KDR: variants seen among roughly 807,000 people sequenced by gnomAD.
The protein encoded by KDR is kinase insert domain receptor, also known as vascular endothelial growth factor receptor 2.
Under a neutral mutation model 160.9 loss-of-function variants are expected in KDR, and 43 were observed. The ratio of observed to expected loss-of-function variants is 0.27; its 90% CI spans 0.21 to 0.34. The LOEUF (loss-of-function observed/expected upper bound fraction) is 0.34, where lower values mean the gene tolerates loss of function less well. Among genes scored for constraint, KDR ranks in the 10% least tolerant of loss-of-function variants. KDR has a pLI of 1.00. For missense variants in KDR, 1,469 were observed against 1,666.4 expected (o/e 0.88, Z 2.06); for synonymous variants, 617 against 600.1 (o/e 1.03, Z -0.41).
chr4:55,125,152 G>T, intron 1 of KDR, 75 bp downstream of exon 1: 1 of 1,336,612 alleles, frequency 7.5e-7, no homozygotes, highest in Non-Finnish European at 1.1e-6. Flanking sequence ...ACGATTCCGA[G>T]TTAGATCTGG....
At chr4:55,120,046 G>A (rs574975811) in intron 2 of KDR, among the ~76,000 whole-genome samples, 3 of 152,068 alleles carry the variant, frequency 2.0e-5, no homozygotes, top group Non-Finnish European at 2.9e-5. Flanking sequence ...ATCGAGGGTC[G>A]GTAAAAGGAA....
Position 55,114,170 on chromosome 4 carries a change from G to A in KDR, c.754C>T (p.Leu252=), listed in dbSNP as rs1288161339. Residue 252 remains leucine, a synonymous_variant, in exon 6 of 30, where the codon CTA becomes TTA. Transcript: ENST00000263923. ...LVLNCTARTE[L]NVGIDFNWEY... ...CAGTTGAAGTCAATCCCCACATTTA[G>A]TTCAGTTCTTGCTGTACAATTTAAG... 2 of 1,613,886 alleles carry A rather than the reference G, an allele frequency of 1.2e-6. No individual in the cohort carries two copies. Among genetic ancestry groups the A allele is most frequent in the African/African-American group, 2.7e-5 (2 of 74,888 alleles).
At chr4:55,107,419 A>T (rs1720472218) in intron 10 of KDR, among the ~76,000 whole-genome samples, 1 of 152,176 alleles carries the variant, frequency 6.6e-6, no homozygotes, top group African/African-American at 2.4e-5. Flanking sequence ...GGGATGTGGT[A>T]TTCACCAGCC....
Position 55,079,792 on chromosome 4 carries a change from AC to A in KDR, c.*148del, listed in dbSNP as rs1719682736. On this transcript the variant is annotated 3_prime_UTR_variant, in exon 30 of 30. Transcript: ENST00000263923. Reference sequence around the variant, plus strand: ...GCCTCTTCCAGGATATGCCTAGAAGACTGGCTCCCTGCAGTCCGAGGTCCTT... The same window carrying A: ...GCCTCTTCCAGGATATGCCTAGAAGATGGCTCCCTGCAGTCCGAGGTCCTT... The A allele has an allele frequency of 1.4e-6, 1 of 721,928 alleles. No homozygotes were observed. Among genetic ancestry groups the A allele is most frequent in the Non-Finnish European group, 2.5e-6 (1 of 403,708 alleles). The allele number at this position is 721,928 out of a possible 1,614,324, so 44.7% of individuals were successfully genotyped here. A position where few individuals can be genotyped will look rare whatever the true frequency, so the allele number is the denominator to read the frequency against.
rs1186510365 is a variant in KDR, at chr4:55,120,986, T to A, written c.161+111A>T. 2.2e-5 allele frequency: 16 copies of A among 726,628 alleles called. No individual in the cohort carries two copies. In the South Asian group the frequency reaches 2.8e-4, roughly 13 times the overall value. 45.0% of individuals were successfully genotyped at this position (726,628 alleles called of 1,614,324 possible). On this transcript the variant is annotated intron_variant, in intron 2 of 29. Coordinates refer to ENST00000263923, the MANE Select transcript of KDR (RefSeq NM_002253.4). ...CAGTTCTTAGAAACCTCACCACTTA[T>A]GAACAATTACTACAAGCTCTATTAT...
chr4:55,089,655 G>A (rs762391692), intron 24 of KDR, 36 bp downstream of exon 24: 82 of 1,562,336 alleles, frequency 5.2e-5, no homozygotes, highest in Middle Eastern at 1.8e-4. Flanking sequence ...CTTCCTCTTT[G>A]GAGTCTGGAT....
chr4:55,100,388 T>C lies in KDR; in HGVS notation c.2266+1509A>G, dbSNP rs561366986. 5.6e-4 allele frequency among the ~76,000 whole-genome samples: 85 copies of C among 152,178 alleles called. 1 individual carries two copies. The highest frequency in any genetic ancestry group is 1.1e-3 in the Non-Finnish European group (74 of 68,022). ...GTTCAAAGAGTCTGTTTTCTATGTG[T>C]TTGTATATTAATATTCTCGCATAAC... On this transcript the variant is annotated intron_variant, in intron 15 of 29. Transcript: ENST00000263923.
chr4:55,114,595 G>A (rs1457301626), intron 5 of KDR, among the ~76,000 whole-genome samples: 1 of 152,228 alleles, frequency 6.6e-6, no homozygotes, highest in Non-Finnish European at 1.5e-5. Flanking sequence ...AGCAAGCAAT[G>A]CTCTGAACAT....
intron 7 of KDR, among the ~76,000 whole-genome samples, chr4:55,111,804 T>C (rs1214953137): frequency 1.3e-5 from 2 of 152,238 alleles, no homozygotes; most frequent in Non-Finnish European, 2.9e-5. Context: ...CCACGTGACC[T>C]AGAGGTCAAG....
intron 10 of KDR, 83 bp from the exon 11 acceptor site, chr4:55,106,893 G>A: frequency 8.0e-7 from 1 of 1,242,784 alleles, no homozygotes; most frequent in Non-Finnish European, 1.2e-6. Context: ...TTCAGACTTT[G>A]GTTATTCTGT....
At chr4:55,083,356 T>C (rs1719783544) in intron 27 of KDR, among the ~76,000 whole-genome samples, 1 of 152,174 alleles carries the variant, frequency 6.6e-6, no homozygotes, top group Non-Finnish European at 1.5e-5. Context: ...ATAAGATGTG[T>C]TGGCAGTAGC....
Position 55,118,695 on chromosome 4 carries a change from TGTGA to T in KDR, c.263_266del (p.Leu88GlnfsTer5). 6.2e-7 allele frequency: 1 copy of T among 1,614,098 alleles called. No individual in the cohort carries two copies. The highest frequency in any genetic ancestry group is 8.5e-7 in the Non-Finnish European group (1 of 1,179,998). ...TGTCATTTCCGATCACTTTTGGAAT[TGTGA>T]GTGTCTTACAGAAGAGGCCATCGCT... On this transcript the variant is annotated frameshift_variant, in exon 3 of 30. Transcript: ENST00000263923. LOFTEE classifies it high-confidence loss of function.
intron 3 of KDR, among the ~76,000 whole-genome samples, chr4:55,116,026 T>G (rs975650215): frequency 6.6e-6 from 1 of 152,232 alleles, no homozygotes; most frequent in Non-Finnish European, 1.5e-5. Context: ...TAAAACCATG[T>G]TTAATTGTTT....
rs1719955151 is a variant in KDR at position 55,089,552 on chromosome 4, C to T, written c.3305-79G>A. On this transcript the variant is annotated intron_variant, in intron 24 of 29. Transcript: ENST00000263923. Reference sequence around the variant, plus strand: ...ACCCTGAGCCTGAATCTTGCACATCCTCATCACCTATGTATCTATTTTTTT... The same window carrying T: ...ACCCTGAGCCTGAATCTTGCACATCTTCATCACCTATGTATCTATTTTTTT... 4 of 1,340,658 alleles carry T rather than the reference C, an allele frequency of 3.0e-6. No homozygotes were observed. The Admixed American group carries it at 6.8e-5, about 23-fold the overall frequency. 83.0% of individuals were successfully genotyped at this position (1,340,658 alleles called of 1,614,324 possible).
At chr4:55,098,353 G>A (rs1720215587) in intron 16 of KDR, 81 bp from the exon 17 acceptor site, 7 of 1,505,250 alleles carry the variant, frequency 4.7e-6, no homozygotes, top group Non-Finnish European at 6.4e-6. Flanking sequence ...CTGTTTATTG[G>A]AGCCTCATTC....
intron 26 of KDR, among the ~76,000 whole-genome samples, chr4:55,088,082 C>G (rs943749758): frequency 6.6e-6 from 1 of 152,164 alleles, no homozygotes; most frequent in Admixed American, 6.5e-5. Flanking sequence ...ATCACTCATT[C>G]ACAAAGCCCT....
At chr4:55,097,121 G>T (rs984632386) in intron 18 of KDR, among the ~76,000 whole-genome samples, 5 of 151,970 alleles carry the variant, frequency 3.3e-5, no homozygotes, top group African/African-American at 4.8e-5. Flanking sequence ...CCAGAATTCC[G>T]TTACTATTAG....
intron 12 of KDR, among the ~76,000 whole-genome samples, 181 bp from the exon 13 acceptor site, chr4:55,105,165 C>A (rs1394867002): frequency 1.3e-5 from 2 of 152,078 alleles, no homozygotes; most frequent in Non-Finnish European, 2.9e-5. Context: ...CTTATTTGGC[C>A]AAACACATTA....
intron 22 of KDR, among the ~76,000 whole-genome samples, chr4:55,091,187 C>A (rs1720004016): frequency 6.6e-6 from 1 of 152,154 alleles, no homozygotes; most frequent in Non-Finnish European, 1.5e-5. Context: ...GAGAAGTGAT[C>A]ATGTAAGCCA....
Sources: allele counts gnomAD v4.1 joint callset (sites outside exome capture counted in the v4.1 genomes callset), GRCh38; gene constraint gnomAD v4.1.1; transcripts MANE v1.5; gene names NCBI Gene and HGNC (gene_info 2026-07-23, HGNC 2026-07-21).